MALRD1: variants seen among roughly 807,000 people sequenced by gnomAD.
MALRD1 encodes the protein MAM and LDL receptor class A domain containing 1.
In MALRD1, 247 loss-of-function variants were observed where a neutral mutation model predicts 242.1. The ratio of observed to expected loss-of-function variants is 1.02; its 90% confidence interval spans 0.92 to 1.13. The LOEUF (loss-of-function observed/expected upper bound fraction) is 1.13. MALRD1 is among the 50% of genes most tolerant of loss of function. The pLI, the probability that MALRD1 is intolerant of heterozygous loss-of-function variation, is 0.00. For missense variants in MALRD1, 2,989 were observed against 2,533.1 expected (o/e 1.18, Z -3.86); for synonymous variants, 995 against 866.6 (o/e 1.15, Z -2.60).
At chr10:19,237,446 T>C (rs1838371382) in intron 18 of MALRD1, among the ~76,000 whole-genome samples, 1 of 147,522 alleles carries the variant, frequency 6.8e-6, no homozygotes, top group South Asian at 2.1e-4. Flanking sequence ...GGGTCATCCA[T>C]GTTGTTGCAA....
chr10:19,592,200 C>G (rs1286936255), intron 33 of MALRD1, among the ~76,000 whole-genome samples: 3 of 152,178 alleles, frequency 2.0e-5, no homozygotes, highest in Non-Finnish European at 4.4e-5. Context: ...TCAGAGATTT[C>G]TTAGAAATTC....
At chr10:19,311,845 A>C (rs1483190344) in intron 21 of MALRD1, among the ~76,000 whole-genome samples, 5 of 151,496 alleles carry the variant, frequency 3.3e-5, no homozygotes, top group African/African-American at 1.2e-4. Context: ...CACTGCTAGC[A>C]TTGCCTTAGA....
intron 10 of MALRD1, among the ~76,000 whole-genome samples, chr10:19,140,348 C>T (rs1296077306): frequency 2.6e-5 from 4 of 152,128 alleles, no homozygotes; most frequent in Admixed American, 2.6e-4. Context: ...AACTGATGAA[C>T]TGTGAGTAAA....
intron 29 of MALRD1, among the ~76,000 whole-genome samples, chr10:19,474,429 T>G (rs1836636339): frequency 6.6e-6 from 1 of 152,178 alleles, no homozygotes; most frequent in African/African-American, 2.4e-5. Flanking sequence ...AAGTCTTTGT[T>G]TGCTATAATC....
chr10:19,272,426 G>A (rs1313246930), intron 19 of MALRD1, among the ~76,000 whole-genome samples: 1 of 152,036 alleles, frequency 6.6e-6, no homozygotes, highest in East Asian at 1.9e-4. Context: ...AAAAAGAATA[G>A]GAGATATGAA....
intron 31 of MALRD1, among the ~76,000 whole-genome samples, chr10:19,499,445 G>GAAA (rs869219398): frequency 0.047 from 5,475 of 116,538 alleles, 154 homozygotes; most frequent in Middle Eastern, 0.093. Context: ...GGCCTGAATA[G>GAAA]AAAAAAAAAA....
chr10:19,664,767 C>G (rs1341723551), intron 36 of MALRD1, among the ~76,000 whole-genome samples: 1 of 151,662 alleles, frequency 6.6e-6, no homozygotes, highest in East Asian at 1.9e-4. Flanking sequence ...CAGAAATAAC[C>G]AAAATTAATA....
At chr10:19,285,421 A>T (rs1386047792) in intron 21 of MALRD1, among the ~76,000 whole-genome samples, 1 of 149,996 alleles carries the variant, frequency 6.7e-6, no homozygotes, top group East Asian at 2.0e-4. Context: ...TCTTGAATTG[A>T]TTTTTGTATA....
chr10:19,316,408 G>C (rs1842709123), intron 21 of MALRD1, among the ~76,000 whole-genome samples: 1 of 151,852 alleles, frequency 6.6e-6, no homozygotes, highest in African/African-American at 2.4e-5. Context: ...CTATGGGGTT[G>C]GCCAGAGCTG....
At chr10:19,201,613 A>G (rs1255682128) in intron 14 of MALRD1, among the ~76,000 whole-genome samples, 1 of 152,232 alleles carries the variant, frequency 6.6e-6, no homozygotes, top group Non-Finnish European at 1.5e-5. Context: ...AGGTATTGAA[A>G]TGACATCTAG....
intron 31 of MALRD1, among the ~76,000 whole-genome samples, chr10:19,526,960 G>T (rs1034924579): frequency 6.6e-6 from 1 of 152,092 alleles, no homozygotes; most frequent in Non-Finnish European, 1.5e-5. Flanking sequence ...TGTTCAGTCT[G>T]ATTTCAAGGT....
At chr10:19,717,241 C>A (rs1488752317) in intron 38 of MALRD1, among the ~76,000 whole-genome samples, 2 of 152,124 alleles carry the variant, frequency 1.3e-5, no homozygotes, top group Admixed American at 1.3e-4. Flanking sequence ...CATAAGACAA[C>A]ACGTGCTTCA....
At chr10:19,134,888 G>C (rs1195104847) in intron 9 of MALRD1, among the ~76,000 whole-genome samples, 1 of 151,992 alleles carries the variant, frequency 6.6e-6, no homozygotes, top group African/African-American at 2.4e-5. Flanking sequence ...TGAGATCTAA[G>C]TTTAAAACCA....
intron 14 of MALRD1, among the ~76,000 whole-genome samples, chr10:19,197,609 C>T (rs866157986): frequency 5.9e-5 from 9 of 152,246 alleles, no homozygotes; most frequent in Middle Eastern, 3.4e-3. Context: ...TGTCCTTTAC[C>T]GGCATAGCTC....
chr10:19,523,043 A>C (rs929584504), intron 31 of MALRD1, among the ~76,000 whole-genome samples: 1 of 152,164 alleles, frequency 6.6e-6, no homozygotes, highest in Non-Finnish European at 1.5e-5. Flanking sequence ...GAGTAGCACT[A>C]ATTTGCAACT....
intron 27 of MALRD1, chr10:19,389,056 C>T (rs1159393633): frequency 3.0e-6 from 1 of 336,240 alleles, no homozygotes; most frequent in Admixed American, 3.9e-5. Context: ...TATATTTACA[C>T]ACTCAAGAGA....
chr10:19,121,053 T>C (rs1350057744), intron 5 of MALRD1, among the ~76,000 whole-genome samples: 1 of 144,260 alleles, frequency 6.9e-6, no homozygotes, highest in East Asian at 2.1e-4. Flanking sequence ...CTTTTTTTTT[T>C]TTTTTTTTGA....
chr10:19,080,172 T>C (rs1406549089), intron 2 of MALRD1, among the ~76,000 whole-genome samples: 4 of 151,988 alleles, frequency 2.6e-5, no homozygotes, highest in African/African-American at 9.7e-5. Flanking sequence ...GGATGCAGTA[T>C]TGTAAAAATG....
chr10:19,127,233 A>G (rs909454140), intron 7 of MALRD1, among the ~76,000 whole-genome samples: 2 of 152,066 alleles, frequency 1.3e-5, no homozygotes, highest in Non-Finnish European at 2.9e-5. Flanking sequence ...AGATTAATAG[A>G]CTTTACTTTT....
Sources: allele counts gnomAD v4.1 joint callset (sites outside exome capture counted in the v4.1 genomes callset), GRCh38; gene constraint gnomAD v4.1.1; transcripts MANE v1.5; gene names NCBI Gene and HGNC (gene_info 2026-07-23, HGNC 2026-07-21).